STON2: variants seen among roughly 807,000 people sequenced by gnomAD.
The protein encoded by STON2 is stonin 2.
STON2 carries 29 observed loss-of-function variants against 65.7 expected under a neutral mutation model. The observed-to-expected ratio is 0.44, with a 90% CI of 0.33 to 0.60. The LOEUF (loss-of-function observed/expected upper bound fraction) is 0.60, where lower values mean the gene tolerates loss of function less well. STON2 is among the 20% of genes least tolerant of loss of function. The pLI is 0.03. For synonymous variants in STON2, 404 were observed against 414.2 expected (o/e 0.98, Z 0.30); for missense variants, 1,054 against 1,118.1 (o/e 0.94, Z 0.82).
At chr14:81,415,345 G>A (rs188857467) in intron 2 of STON2, among the ~76,000 whole-genome samples, 5 of 152,250 alleles carry the variant, frequency 3.3e-5, no homozygotes, top group Admixed American at 6.5e-5. Flanking sequence ...CTCAAGGTCA[G>A]AGAGTAGTAA....
chr14:81,396,228 G>C (rs1312438947), intron 2 of STON2, 50 bp from the exon 3 acceptor site: 1 of 1,538,604 alleles, frequency 6.5e-7, no homozygotes, highest in African/African-American at 1.4e-5. Flanking sequence ...CCGCTCTTCA[G>C]AGCCATCTCA....
At chr14:81,403,758 T>A (rs1164894293), upstream of STON2, among the ~76,000 whole-genome samples, 1 of 152,156 alleles carries the variant, frequency 6.6e-6, no homozygotes, top group Non-Finnish European at 1.5e-5. Flanking sequence ...TGAATAGACT[T>A]CTTTCCTGCT....
chr14:81,314,717 G>A (rs571250957), intron 5 of STON2, among the ~76,000 whole-genome samples: 9 of 152,298 alleles, frequency 5.9e-5, no homozygotes, highest in South Asian at 4.1e-4. Context: ...TGAGTAATAA[G>A]CTAGGCATTT....
chr14:81,409,958 C>T (rs986811787), intron 2 of STON2, among the ~76,000 whole-genome samples: 5 of 152,104 alleles, frequency 3.3e-5, no homozygotes, highest in Non-Finnish European at 7.4e-5. Context: ...AAATATAGTT[C>T]TAAAATATAG....
intron 4 of STON2, among the ~76,000 whole-genome samples, chr14:81,342,400 G>A (rs1337445657): frequency 1.3e-5 from 2 of 152,178 alleles, no homozygotes; most frequent in Admixed American, 6.5e-5. Context: ...CTCCCAAAGT[G>A]CTGGGATTAC....
chr14:81,427,490 A>C (rs1902036298), intron 1 of STON2: 1 of 152,144 alleles, frequency 6.6e-6, no homozygotes, highest in Non-Finnish European at 1.5e-5. Flanking sequence ...GGAATCGGGA[A>C]CTTAAAATCA....
chr14:81,292,483 C>G (rs947914726), intron 5 of STON2, among the ~76,000 whole-genome samples: 1 of 152,160 alleles, frequency 6.6e-6, no homozygotes, highest in Non-Finnish European at 1.5e-5. Context: ...ATGATGGGGG[C>G]AAGTTACCCC....
chr14:81,409,404 CA>C (rs932204265), intron 2 of STON2, among the ~76,000 whole-genome samples: 4 of 135,158 alleles, frequency 3.0e-5, no homozygotes, highest in Admixed American at 7.8e-5. Flanking sequence ...GACTCCATCT[CA>C]AAAAAAAATA....
intron 3 of STON2, among the ~76,000 whole-genome samples, chr14:81,371,676 T>TAAAAA (rs34428344): frequency 9.2e-5 from 9 of 97,676 alleles, no homozygotes; most frequent in South Asian, 4.0e-4. Flanking sequence ...AGACTGAGTC[T>TAAAAA]AAAAAAAAAA....
intron 4 of STON2, among the ~76,000 whole-genome samples, chr14:81,331,115 G>A (rs1005065439): frequency 2.0e-5 from 3 of 152,214 alleles, no homozygotes; most frequent in East Asian, 3.9e-4. Flanking sequence ...GTGTGTGCAC[G>A]TGCAGTGGCA....
At chr14:81,281,573 G>A (rs1217225025) in intron 5 of STON2, among the ~76,000 whole-genome samples, 1 of 152,106 alleles carries the variant, frequency 6.6e-6, no homozygotes, top group Non-Finnish European at 1.5e-5. Flanking sequence ...TTTGGAGGGC[G>A]GCTTTCTGCC....
At chr14:81,361,420 T>A (rs1264508011) in intron 4 of STON2, among the ~76,000 whole-genome samples, 1 of 152,122 alleles carries the variant, frequency 6.6e-6, no homozygotes, top group Admixed American at 6.6e-5. Context: ...CTTCAATAAA[T>A]GGTGTTGGGG....
At chr14:81,275,802 C>T (rs1026702518) in intron 6 of STON2, among the ~76,000 whole-genome samples, 3 of 152,092 alleles carry the variant, frequency 2.0e-5, no homozygotes, top group South Asian at 4.1e-4. Flanking sequence ...TGCCGTCGGC[C>T]GTCACATTGC....
At chr14:81,336,547 T>G (rs1897378742) in intron 4 of STON2, among the ~76,000 whole-genome samples, 1 of 151,944 alleles carries the variant, frequency 6.6e-6, no homozygotes, top group Non-Finnish European at 1.5e-5. Flanking sequence ...ATGACCTGCA[T>G]GGAGGGTGGT....
chr14:81,408,322 C>T (rs1900977497), intron 2 of STON2, among the ~76,000 whole-genome samples: 1 of 152,212 alleles, frequency 6.6e-6, no homozygotes, highest in Admixed American at 6.5e-5. Flanking sequence ...ACCCAATCTT[C>T]TTCCAATTTC....
intron 3 of STON2, among the ~76,000 whole-genome samples, chr14:81,374,579 TAAGAA>T (rs138127914): frequency 0.019 from 2,927 of 151,356 alleles, 108 homozygotes; most frequent in African/African-American, 0.068. Context: ...TTTAAGGAAA[TAAGAA>T]AAGAAATTAA....
intron 5 of STON2, among the ~76,000 whole-genome samples, chr14:81,284,303 C>T (rs1186698904): frequency 1.3e-5 from 2 of 152,196 alleles, no homozygotes; most frequent in African/African-American, 2.4e-5. Flanking sequence ...AGGCCAAAAG[C>T]TAGGCCTTCC....
intron 4 of STON2, among the ~76,000 whole-genome samples, chr14:81,325,435 T>A (rs896842908): frequency 9.5e-6 from 1 of 105,408 alleles, no homozygotes; most frequent in African/African-American, 4.9e-5. Context: ...GTGTTGTTTT[T>A]TTCTCCTCCT....
At chr14:81,421,560 T>C (rs181911788) in intron 2 of STON2, among the ~76,000 whole-genome samples, 18 of 152,332 alleles carry the variant, frequency 1.2e-4, no homozygotes, top group Admixed American at 1.2e-3. Context: ...GGAAAGGTGT[T>C]TTTACAGCCA....
Sources: allele counts gnomAD v4.1 joint callset (sites outside exome capture counted in the v4.1 genomes callset), GRCh38; gene constraint gnomAD v4.1.1; transcripts MANE v1.5; gene names NCBI Gene and HGNC (gene_info 2026-07-23, HGNC 2026-07-21).